SULT1A1: variants seen among roughly 807,000 people sequenced by gnomAD.
SULT1A1 encodes sulfotransferase family 1A member 1.
Under a neutral mutation model 36.8 loss-of-function variants are expected in SULT1A1, and 35 were observed. The observed-to-expected ratio is 0.95, with a 90% CI of 0.73 to 1.26. The LOEUF (loss-of-function observed/expected upper bound fraction) is 1.26, where lower values mean the gene tolerates loss of function less well. Among genes scored for constraint, SULT1A1 ranks in the 50% most tolerant of loss-of-function variants. The pLI, the probability that SULT1A1 is intolerant of heterozygous loss-of-function variation, is 0.00. For synonymous variants in SULT1A1, 119 were observed against 146.0 expected, an observed-to-expected ratio of 0.82 and a Z score of 1.33; for missense variants, 309 against 383.0, an observed-to-expected ratio of 0.81 and a Z score of 1.61.
At position 28,608,755 on chromosome 16, in the gene SULT1A1, A is replaced by G. The variant is rs777220477; in HGVS notation, c.101T>C (p.Phe34Ser). 6.2e-7 allele frequency: 1 copy of G among 1,612,778 alleles called. No homozygotes were observed. The highest frequency in any genetic ancestry group is 8.5e-7 in the Non-Finnish European group (1 of 1,179,390). Residue 34 changes from phenylalanine (F) to serine (S), a missense_variant, in exon 2 of 8, where the codon TTC (phenylalanine) becomes TCC (serine). By Grantham distance (155) the Phe-to-Ser change is radical. Coordinates refer to ENST00000314752, the MANE Select transcript of SULT1A1 (RefSeq NM_001055.4). ...FAEALGPLQS[F>S]QARPDDLLIS... ...GAGCAGGTCATCAGGCCGGGCCTGG[A>G]AGCTCTGCAGGGGCCCCAGTGCCTC...
chr16:28,606,703 C>G, intron 6 of SULT1A1, 58 bp downstream of exon 6: 2 of 1,597,016 alleles, frequency 1.3e-6, no homozygotes, highest in Non-Finnish European at 1.7e-6. Flanking sequence ...TTGGCGGGTC[C>G]CTGTGAGGTG....
chr16:28,620,320 T>A (rs1211947427), intron 1 of SULT1A1, among the ~76,000 whole-genome samples: 1 of 151,940 alleles, frequency 6.6e-6, no homozygotes. Flanking sequence ...ATCCCAGCAC[T>A]TTGGGAGGCC....
Position 28,605,582 on chromosome 16 carries a change from T to G in SULT1A1, c.*239A>C. The stretch of plus-strand genomic sequence containing the variant: ...CCACTCTGCCTGGCCCACAATCATA[T>G]TTTATTCTCTTTTTAAAAATTGGTT... On this transcript the variant is annotated 3_prime_UTR_variant, in exon 8 of 8. Transcript: ENST00000314752. 2 of 706,174 alleles carry G rather than the reference T, an allele frequency of 2.8e-6. No individual in the cohort carries two copies. The highest frequency in any genetic ancestry group is 2.3e-6 in the Non-Finnish European group (1 of 438,090). The allele number at this position is 706,174 out of a possible 1,614,324, so 43.7% of individuals were successfully genotyped here.
At chr16:28,618,036 C>T (rs2047579508) in intron 2 of SULT1A1, among the ~76,000 whole-genome samples, 1 of 139,152 alleles carries the variant, frequency 7.2e-6, no homozygotes, top group Admixed American at 8.3e-5. Flanking sequence ...AATTCTACTT[C>T]CTGCTCTTTT....
rs781598005 is a variant in SULT1A1 at position 28,606,722 on chromosome 16, C to A, written c.594+39G>T. On this transcript the variant is annotated intron_variant, in intron 6 of 7. Transcript: ENST00000314752. ...CGGGTCCCTGTGAGGTGCCTGCCCC[C>A]AGGAGTCACATGGAGGGAAGCATCG... 8 of 1,606,638 alleles carry A rather than the reference C, an allele frequency of 5.0e-6. No individual in the cohort carries two copies. The Admixed American group carries it at 5.0e-5, about 10-fold the overall frequency.
At chr16:28,620,188 C>T (rs1596655127) in intron 1 of SULT1A1, 1 of 1,539,408 alleles carries the variant, frequency 6.5e-7, no homozygotes, top group East Asian at 2.3e-5. Context: ...TACTGTATAA[C>T]AGTTCATGTT....
chr16:28,623,107 C>CCGGGG, intron 1 of SULT1A1: 2 of 1,509,630 alleles, frequency 1.3e-6, no homozygotes, highest in African/African-American at 1.4e-5. Context: ...TCCCACCCCC[C>CCGGGG]AGGTTCCCCC....
chr16:28,621,895 T>C (rs2047664015), intron 1 of SULT1A1, among the ~76,000 whole-genome samples: 3 of 152,138 alleles, frequency 2.0e-5, no homozygotes, highest in Admixed American at 1.3e-4. Flanking sequence ...CCAACTTGAG[T>C]GATCAGCCTG....
chr16:28,620,050 A>C, intron 2 of SULT1A1: 6 of 1,610,264 alleles, frequency 3.7e-6, no homozygotes, highest in Non-Finnish European at 5.1e-6. Context: ...ACATTTTCAA[A>C]CGCCTGTCTT....
Position 28,609,991 on chromosome 16 carries a change from T to C in SULT1A1, c.-65A>G. ...GCCCGCAGTGGCTGATTGTGGGTGTTGTGTGGGGAATGCAGGGTTGTTCTC... is the reference window on the plus strand; with the variant it reads ...GCCCGCAGTGGCTGATTGTGGGTGTCGTGTGGGGAATGCAGGGTTGTTCTC... On this transcript the variant is annotated 5_prime_UTR_variant, in exon 1 of 8. Transcript: ENST00000314752. The C allele has an allele frequency of 7.8e-7, 1 of 1,287,598 alleles. No homozygotes were observed. The highest frequency in any genetic ancestry group is 2.1e-4 in the Middle Eastern group (1 of 4,678). The allele number at this position is 1,287,598 out of a possible 1,614,324, so 79.8% of individuals were successfully genotyped here.
At chr16:28,619,766 A>C (rs1362689649) in intron 2 of SULT1A1, among the ~76,000 whole-genome samples, 34 of 118,860 alleles carry the variant, frequency 2.9e-4, no homozygotes, top group African/African-American at 1.1e-3. Flanking sequence ...ATATATATAG[A>C]CACACACACA....
At position 28,617,337 on chromosome 16, in the gene SULT1A1, C is replaced by T. The variant is rs187471727; in HGVS notation, c.138+2726G>A. Reference sequence around the variant, plus strand: ...TGGCCCCAGCAAGACTTCCTTGATCCCCACTCCCACACCTCCTCGCTGTGC... The same window carrying T: ...TGGCCCCAGCAAGACTTCCTTGATCTCCACTCCCACACCTCCTCGCTGTGC... On this transcript the variant is annotated intron_variant, in intron 2 of 5. Transcript: ENST00000350842. Among the ~76,000 whole-genome samples, 18 of 152,190 alleles carry T rather than the reference C, an allele frequency of 1.2e-4. No homozygotes were observed. The East Asian group carries it at 3.5e-3, about 29-fold the overall frequency.
Position 28,605,899 on chromosome 16 carries a change from C to T in SULT1A1, c.810G>A (p.Val270=), listed in dbSNP as rs1315600763. The change falls in exon 8 of 8, where the codon GTG becomes GTA. Residue 270 remains valine (V), a synonymous_variant. Transcript: ENST00000314752. ...MAGDWKTTFT[V]AQNERFDADY... ...CCGCATCGAAGCGCTCATTCTGCGC[C>T]ACGGTGAAGGTGGTCTTCCAGTCCC... The T allele has an allele frequency of 1.6e-5, 26 of 1,609,030 alleles. 1 individual carries two copies. The highest frequency in any genetic ancestry group is 2.2e-5 in the Non-Finnish European group (26 of 1,177,580).
intron 2 of SULT1A1, among the ~76,000 whole-genome samples, chr16:28,619,765 G>GACAC (rs1280903409): frequency 6.3e-5 from 3 of 47,528 alleles, no homozygotes; most frequent in African/African-American, 1.3e-4. Flanking sequence ...TATATATATA[G>GACAC]ACACACACAC....
At chr16:28,607,323 G>A (rs1294175847) in intron 4 of SULT1A1, 9 of 647,474 alleles carry the variant, frequency 1.4e-5, no homozygotes, top group Non-Finnish European at 2.0e-5. Flanking sequence ...CCAATCTGGA[G>A]CAAGGCATGC....
At chr16:28,617,668 A>C (rs1417540618) in intron 2 of SULT1A1, among the ~76,000 whole-genome samples, 2 of 151,750 alleles carry the variant, frequency 1.3e-5, no homozygotes, top group Admixed American at 6.6e-5. Flanking sequence ...CAGTCTCCTG[A>C]GTAGCTGGGA....
chr16:28,621,213 G>A (rs1481325532), intron 1 of SULT1A1, among the ~76,000 whole-genome samples: 1 of 151,648 alleles, frequency 6.6e-6, no homozygotes, highest in South Asian at 2.1e-4. Context: ...CAGGTGCGAG[G>A]GCTCACGTCT....
intron 2 of SULT1A1, chr16:28,620,034 C>T (rs1254511661): frequency 6.3e-7 from 1 of 1,594,432 alleles, no homozygotes; most frequent in African/African-American, 1.4e-5. Context: ...CAAAAAGATA[C>T]TGATAACATT....
chr16:28,608,769 C>T lies in SULT1A1; in HGVS notation c.87G>A (p.Gly29=), dbSNP rs772783056. 8 of 1,612,556 alleles carry T rather than the reference C, an allele frequency of 5.0e-6. No homozygotes were observed. The African/African-American group carries it at 5.3e-5, about 11-fold the overall frequency. Residue 29 remains glycine, a synonymous_variant, in exon 2 of 8, where the codon GGG becomes GGA. Coordinates refer to ENST00000314752, the MANE Select transcript of SULT1A1 (RefSeq NM_001055.4). ...GCCGGGCCTGGAAGCTCTGCAGGGG[C>T]CCCAGTGCCTCTGCAAAGTACTTGA... ...PLIKYFAEAL[G]PLQSFQARPD...
Sources: gnomAD v4.1 joint callset for allele counts (sites outside exome capture counted in the v4.1 genomes callset) on GRCh38, gnomAD v4.1.1 for gene constraint, MANE v1.5 for transcripts, NCBI Gene and HGNC (gene_info 2026-07-23, HGNC 2026-07-21) for gene names.